Variants in GSK3B observed in about 807,000 individuals in gnomAD.
The protein encoded by GSK3B is glycogen synthase kinase 3 beta, also known as glycogen synthase kinase-3 beta.
In GSK3B, 15 loss-of-function variants were observed where a neutral mutation model predicts 56.4. The ratio of observed to expected loss-of-function variants is 0.27; its 90% CI spans 0.18 to 0.41. The LOEUF (loss-of-function observed/expected upper bound fraction) is 0.41, where lower values mean the gene tolerates loss of function less well. Ranked by LOEUF, GSK3B falls within the 10% of genes least tolerant of loss-of-function variation. GSK3B has a pLI of 1.00. For synonymous variants in GSK3B, 181 were observed against 188.9 expected (o/e 0.96, Z 0.34); for missense variants, 300 against 513.4 (o/e 0.58, Z 4.02).
At chr3:120,075,196 C>A (rs2107568965) in intron 1 of GSK3B, among the ~76,000 whole-genome samples, 1 of 152,254 alleles carries the variant, frequency 6.6e-6, no homozygotes. Flanking sequence ...TTGATAAAAA[C>A]TCTTTAACAG....
chr3:120,002,070 T>C lies in GSK3B; in HGVS notation c.258A>G (p.Lys86=). The change falls in exon 2 of 11, where the codon AAA becomes AAG. Residue 86 remains lysine, a synonymous_variant. Coordinates refer to ENST00000264235, the MANE Select transcript of GSK3B (RefSeq NM_001146156.2). ...CDSGELVAIK[K]VLQDKRFKNR... ...CCTTAAATCTCTTGTCCTGCAATAC[T>C]TTCTTGATGGCGACCAGTTCTCCTG... 1 of 1,603,372 alleles carries C rather than the reference T, an allele frequency of 6.2e-7. No homozygotes were observed. The highest frequency in any genetic ancestry group is 8.5e-7 in the Non-Finnish European group (1 of 1,176,042).
chr3:119,890,634 C>A (rs887777447), intron 7 of GSK3B, among the ~76,000 whole-genome samples: 19 of 151,320 alleles, frequency 1.3e-4, no homozygotes, highest in African/African-American at 4.4e-4. Context: ...TAAATCTTGA[C>A]CAGGGTAGTG....
intron 2 of GSK3B, among the ~76,000 whole-genome samples, chr3:119,966,821 A>G (rs2057322504): frequency 6.6e-6 from 1 of 152,232 alleles, no homozygotes; most frequent in Admixed American, 6.5e-5. Context: ...AAGATGTCAA[A>G]ATAATGAAGT....
intron 2 of GSK3B, among the ~76,000 whole-genome samples, chr3:119,982,787 G>A (rs1447311457): frequency 6.6e-6 from 1 of 152,146 alleles, no homozygotes; most frequent in East Asian, 1.9e-4. Flanking sequence ...CACTCTGCAG[G>A]ATATTATCCA....
intron 7 of GSK3B, among the ~76,000 whole-genome samples, chr3:119,889,434 G>A (rs2056477027): frequency 6.6e-6 from 1 of 152,140 alleles, no homozygotes; most frequent in East Asian, 1.9e-4. Context: ...GAAGGGGAAT[G>A]GAAATACTGT....
intron 10 of GSK3B, among the ~76,000 whole-genome samples, chr3:119,840,129 G>A (rs1222798000): frequency 6.6e-6 from 1 of 151,982 alleles, no homozygotes; most frequent in East Asian, 1.9e-4. Flanking sequence ...CATTTATCCA[G>A]GAAAGAAAAG....
At chr3:119,834,706 G>C (rs943111722) in intron 10 of GSK3B, among the ~76,000 whole-genome samples, 6 of 152,138 alleles carry the variant, frequency 3.9e-5, no homozygotes, top group African/African-American at 1.4e-4. Flanking sequence ...ATAAAAGTAG[G>C]TGACTTCAGG....
rs2058532402 is a variant in GSK3B, at chr3:120,093,483, CTT to C, written c.-51_-50del. On this transcript the variant is annotated 5_prime_UTR_variant, in exon 1 of 11. Coordinates refer to ENST00000264235, the MANE Select transcript of GSK3B (RefSeq NM_001146156.2). The stretch of plus-strand genomic sequence containing the variant: ...TTTTCCTTCCTTCCTCCTTTTCTTC[CTT>C]TTGTCTTTATGTTGGGGTGTTAGGT... 1 of 1,243,064 alleles carries C rather than the reference CTT, an allele frequency of 8.0e-7. No individual in the cohort carries two copies. The highest frequency in any genetic ancestry group is 1.5e-5 in the African/African-American group (1 of 67,882). 77.0% of individuals were successfully genotyped at this position (1,243,064 alleles called of 1,614,324 possible). A position where few individuals can be genotyped will look rare whatever the true frequency, so the allele number is the denominator to read the frequency against.
chr3:119,979,241 CTTCTT>C (rs2057437924), intron 2 of GSK3B, among the ~76,000 whole-genome samples: 2 of 152,180 alleles, frequency 1.3e-5, no homozygotes, highest in Non-Finnish European at 2.9e-5. Flanking sequence ...ATATTCAGGC[CTTCTT>C]CTACTTCTAC....
intron 3 of GSK3B, among the ~76,000 whole-genome samples, chr3:119,946,894 T>C (rs191874961): frequency 3.9e-5 from 6 of 152,174 alleles, no homozygotes; most frequent in East Asian, 1.9e-4. Flanking sequence ...TTACCTCTTA[T>C]CAACTTCACT....
chr3:120,049,108 T>C (rs1294010363), intron 1 of GSK3B, among the ~76,000 whole-genome samples: 1 of 152,246 alleles, frequency 6.6e-6, no homozygotes, highest in Non-Finnish European at 1.5e-5. Context: ...TCACTTTATC[T>C]ACATGACAAT....
chr3:120,079,214 T>G (rs1337684401), intron 1 of GSK3B, among the ~76,000 whole-genome samples: 1 of 150,410 alleles, frequency 6.6e-6, no homozygotes, highest in Non-Finnish European at 1.5e-5. Flanking sequence ...TGGGAGGGAT[T>G]ACAGACATGA....
intron 1 of GSK3B, 71 bp downstream of exon 1, chr3:120,093,276 T>A: frequency 1.0e-6 from 1 of 988,240 alleles, no homozygotes; most frequent in Non-Finnish European, 1.6e-6. Context: ...TAATTTCAGA[T>A]CCTGGTATTT....
At chr3:120,026,208 C>T (rs557046242) in intron 1 of GSK3B, among the ~76,000 whole-genome samples, 29 of 152,190 alleles carry the variant, frequency 1.9e-4, no homozygotes, top group South Asian at 2.1e-4. Flanking sequence ...CTCTCAAACA[C>T]GATTTTCTAA....
At chr3:119,903,164 T>C (rs916672709) in intron 7 of GSK3B, among the ~76,000 whole-genome samples, 2 of 152,202 alleles carry the variant, frequency 1.3e-5, no homozygotes, top group African/African-American at 2.4e-5. Context: ...CAATGTGTGG[T>C]AACTTCCAGT....
intron 4 of GSK3B, among the ~76,000 whole-genome samples, chr3:119,920,423 T>C (rs1309352667): frequency 3.9e-5 from 6 of 152,142 alleles, no homozygotes; most frequent in Non-Finnish European, 8.8e-5. Context: ...TATTTTTTAG[T>C]AGAGGTGGGG....
At chr3:119,836,968 T>C (rs2055700888) in intron 10 of GSK3B, among the ~76,000 whole-genome samples, 1 of 152,224 alleles carries the variant, frequency 6.6e-6, no homozygotes, top group Admixed American at 6.5e-5. Context: ...TCCAATACCC[T>C]AATACTTTAG....
chr3:119,915,997 G>A, intron 5 of GSK3B, 47 bp downstream of exon 5: 2 of 1,331,794 alleles, frequency 1.5e-6, no homozygotes, highest in Non-Finnish European at 2.1e-6. Flanking sequence ...AGATAGTAGG[G>A]GGAGGAGGGG....
At chr3:119,960,378 A>C (rs1373957270) in intron 2 of GSK3B, among the ~76,000 whole-genome samples, 1 of 152,120 alleles carries the variant, frequency 6.6e-6, no homozygotes, top group Non-Finnish European at 1.5e-5. Context: ...TATCTTTACT[A>C]TCATGGTCTA....
Sources: gnomAD v4.1 joint callset for allele counts (sites outside exome capture counted in the v4.1 genomes callset) on GRCh38, gnomAD v4.1.1 for gene constraint, MANE v1.5 for transcripts, NCBI Gene and HGNC (gene_info 2026-07-23, HGNC 2026-07-21) for gene names.